PAK4: variants seen among roughly 807,000 people sequenced by gnomAD.
The protein encoded by PAK4 is serine/threonine-protein kinase PAK 4.
In PAK4, 49 loss-of-function variants were observed where a neutral mutation model predicts 53.5. The ratio of observed to expected loss-of-function variants is 0.92; its 90% CI spans 0.73 to 1.16. The LOEUF is 1.16. Among genes scored for constraint, PAK4 ranks in the 50% most tolerant of loss-of-function variants. The pLI, the probability that PAK4 is intolerant of heterozygous loss-of-function variation, is 0.00. For missense variants in PAK4, 824 were observed against 850.7 expected (o/e 0.97, Z 0.39); for synonymous variants, 376 against 375.6 (o/e 1.00, Z -0.01).
At chr19:39,147,841 GTTTTTTTTTTTT>G (rs35845376) in intron 1 of PAK4, among the ~76,000 whole-genome samples, 3 of 13,240 alleles carry the variant, frequency 2.3e-4, no homozygotes, top group East Asian at 4.8e-3. Flanking sequence ...TTGTTTTCGG[GTTTTTTTTTTTT>G]TTTTTTTTTT....
At chr19:39,128,280 T>C (rs474724) in intron 1 of PAK4, among the ~76,000 whole-genome samples, 17,706 of 152,218 alleles carry the variant, frequency 0.12, 2,731 homozygotes, top group African/African-American at 0.36. Context: ...CTGCTGCTGC[T>C]GCTGCCACCC....
chr19:39,176,488 C>T (rs1188350394), intron 6 of PAK4, 102 bp from the exon 8 acceptor site: 15 of 1,494,076 alleles, frequency 1.0e-5, no homozygotes, highest in South Asian at 8.2e-5. Context: ...ACCTCTGGGC[C>T]GCACATTGTG....
At chr19:39,176,546 G>A in intron 6 of PAK4, 44 bp from the exon 8 acceptor site, 2 of 1,612,656 alleles carry the variant, frequency 1.2e-6, no homozygotes, top group Non-Finnish European at 1.7e-6. Flanking sequence ...TCGCCCTCCT[G>A]CTGTGCCAGC....
chr19:39,143,847 C>T (rs1016175347), intron 1 of PAK4, among the ~76,000 whole-genome samples: 35 of 151,702 alleles, frequency 2.3e-4, no homozygotes, highest in African/African-American at 8.3e-4. Context: ...TGGCATGTGC[C>T]TGTGGTCCTA....
intron 1 of PAK4, among the ~76,000 whole-genome samples, chr19:39,138,320 T>C (rs2073854302): frequency 6.6e-6 from 1 of 152,178 alleles, no homozygotes; most frequent in Non-Finnish European, 1.5e-5. Flanking sequence ...TCCAAAGTGC[T>C]GGGATTACAG....
At chr19:39,137,770 G>A (rs758272997) in intron 1 of PAK4, among the ~76,000 whole-genome samples, 6 of 150,732 alleles carry the variant, frequency 4.0e-5, no homozygotes, top group Non-Finnish European at 7.4e-5. Context: ...GGGTTCAAGC[G>A]ATTCTCCTGC....
intron 6 of PAK4, 96 bp from the exon 8 acceptor site, chr19:39,176,493 AT>A: frequency 2.6e-6 from 4 of 1,531,280 alleles, no homozygotes; most frequent in Non-Finnish European, 3.6e-6. Flanking sequence ...TGGGCCGCAC[AT>A]TGTGTCTGAA....
In PAK4 at chr19:39,178,404, C is replaced by A; in HGVS notation, c.1621-20C>A. 6.4e-7 allele frequency: 1 copy of A among 1,568,762 alleles called. No individual in the cohort carries two copies. Among genetic ancestry groups the A allele is most frequent in the East Asian group, 2.4e-5 (1 of 42,046 alleles). ...ACAGTGGGGAGCCTCGCCCCCTGACCCTCCCCTCCTTCTCGACAGGTGTCG... is the reference window on the plus strand; with the variant it reads ...ACAGTGGGGAGCCTCGCCCCCTGACACTCCCCTCCTTCTCGACAGGTGTCG... On this transcript the variant is annotated intron_variant, in intron 8 of 8. Transcript: ENST00000358301. This position sits in a 1 kb window ranked among gnomAD's most constrained non-coding sequence, Gnocchi z 4.4.
chr19:39,137,122 A>G (rs2073829723), intron 1 of PAK4, among the ~76,000 whole-genome samples: 1 of 152,064 alleles, frequency 6.6e-6, no homozygotes, highest in South Asian at 2.1e-4. Context: ...TAACACACTT[A>G]TCCTGGTGCC....
Position 39,173,256 on chromosome 19 carries a change from C to T in PAK4, c.543C>T (p.Ser181=), listed in dbSNP as rs780423359. The change falls in exon 3 of 9, where the codon TCC becomes TCT. Residue 181 remains serine (S), a synonymous_variant. Coordinates refer to ENST00000358301, the Ensembl canonical transcript of PAK4. The surrounding 1 kb of genome is among the most constrained non-coding windows in gnomAD (Gnocchi z 6.9). ...CCTCCCGGGACAAACGCCCCCTCTC[C>T]GGGCCTGATGTCGGCACCCCCCAGC... 2.6e-5 allele frequency: 42 copies of T among 1,592,506 alleles called. No individual in the cohort carries two copies. Among genetic ancestry groups the T allele is most frequent in the Admixed American group, 1.2e-4 (7 of 57,320 alleles).
intron 1 of PAK4, among the ~76,000 whole-genome samples, chr19:39,149,142 A>G (rs1225162317): frequency 6.6e-6 from 1 of 152,214 alleles, no homozygotes; most frequent in Non-Finnish European, 1.5e-5. Context: ...TTCCGCTCCC[A>G]ACTGTTCGTC....
At chr19:39,177,017 C>T (rs1030227195) in intron 7 of PAK4, among the ~76,000 whole-genome samples, 4 of 152,082 alleles carry the variant, frequency 2.6e-5, no homozygotes, top group African/African-American at 7.2e-5. Context: ...TACAGGCACC[C>T]GCCACCATGC....
chr19:39,169,972 AG>A (rs1432806338), intron 2 of PAK4, among the ~76,000 whole-genome samples: 4 of 97,658 alleles, frequency 4.1e-5, no homozygotes, highest in Non-Finnish European at 9.8e-5. Flanking sequence ...CCCCAACCTG[AG>A]CCTCCCCCAC....
rs143815524 is a variant in PAK4, at chr19:39,175,259, G to C, written c.1233-53G>C. On this transcript the variant is annotated intron_variant, in intron 5 of 8. Coordinates refer to ENST00000358301, the Ensembl canonical transcript of PAK4. The surrounding 1 kb of genome is among the most constrained non-coding windows in gnomAD (Gnocchi z 4.7). ...TGCAAGGCAGGGCTGCGTCCCCCTC[G>C]GCACCCCGGGGTGCTGTCCAGCTGG... The C allele has an allele frequency of 2.0e-6, 3 of 1,530,730 alleles. No individual in the cohort carries two copies. Among genetic ancestry groups the C allele is most frequent in the Non-Finnish European group, 2.7e-6 (3 of 1,130,270 alleles). The allele number at this position is 1,530,730 out of a possible 1,614,324, so 94.8% of individuals were successfully genotyped here. A position where few individuals can be genotyped will look rare whatever the true frequency, so the allele number is the denominator to read the frequency against.
In PAK4 at chr19:39,159,963, A is replaced by AC. The variant is rs75892779; in HGVS notation, c.-22-9563dup. 6.6e-3 allele frequency among the ~76,000 whole-genome samples: 1,006 copies of AC among 152,192 alleles called. 22 individuals carry two copies. The highest frequency in any genetic ancestry group is 0.056 in the East Asian group (291 of 5,166). On this transcript the variant is annotated intron_variant, in intron 1 of 8. Transcript: ENST00000358301. ...TGGGGGCTCATGGATTTCCAGAGGC[A>AC]CCCCCCATGTGATTTGGCTTTTGCC...
At chr19:39,127,128 A>G (rs1317072627) in intron 1 of PAK4, among the ~76,000 whole-genome samples, 1 of 151,960 alleles carries the variant, frequency 6.6e-6, no homozygotes, top group African/African-American at 2.4e-5. Context: ...CTGGAGTCCG[A>G]GCAAGGGAGT....
At chr19:39,160,563 C>T (rs944601790) in intron 1 of PAK4, among the ~76,000 whole-genome samples, 1 of 152,162 alleles carries the variant, frequency 6.6e-6, no homozygotes, top group African/African-American at 2.4e-5. Flanking sequence ...CTGAGCAGTG[C>T]AGTTCTGGCT....
intron 1 of PAK4, among the ~76,000 whole-genome samples, chr19:39,150,577 A>G (rs1321770241): frequency 1.3e-5 from 2 of 152,058 alleles, no homozygotes; most frequent in East Asian, 1.9e-4. Flanking sequence ...TCACAGGGCA[A>G]CCAAAGTTAC....
downstream of PAK4, chr19:39,182,457 G>C (rs1423207568): frequency 6.6e-6 from 1 of 152,236 alleles, no homozygotes; most frequent in Non-Finnish European, 1.5e-5. Flanking sequence ...TTTAGTGACA[G>C]AACAGAGAAC....
Sources: gnomAD v4.1 joint callset for allele counts (sites outside exome capture counted in the v4.1 genomes callset) on GRCh38, gnomAD v4.1.1 for gene constraint, Gnocchi (gnomAD v3.1) non-coding constraint, MANE v1.5 for transcripts, NCBI Gene and HGNC (gene_info 2026-07-23, HGNC 2026-07-21) for gene names.